Variants in AFF2 observed in about 807,000 individuals in gnomAD.
The protein encoded by AFF2 is ALF transcription elongation factor 2, also known as AF4/FMR2 family member 2.
AFF2 carries 14 observed loss-of-function variants against 76.9 expected under a neutral mutation model. The ratio of observed to expected loss-of-function variants is 0.18; its 90% confidence interval spans 0.12 to 0.28. The LOEUF (loss-of-function observed/expected upper bound fraction) is 0.28. Among genes scored for constraint, AFF2 ranks in the 10% least tolerant of loss-of-function variants. The pLI is 1.00. For missense variants in AFF2, 868 were observed against 1,001.1 expected (o/e 0.87, Z 1.79); for synonymous variants, 398 against 366.7 (o/e 1.09, Z -0.98).
chrX:148,698,267 A>T (rs781843851), intron 3 of AFF2, among the ~76,000 whole-genome samples: 1 of 112,785 alleles, frequency 8.9e-6, no homozygotes, highest in Admixed American at 9.4e-5. Context: ...GGCTTTAGGC[A>T]TCACAAAAGT....
At chrX:148,614,796 TTC>T (rs782345022) in intron 1 of AFF2, among the ~76,000 whole-genome samples, 1,352 of 76,002 alleles carry the variant, frequency 0.018, 82 homozygotes, top group African/African-American at 0.077. Flanking sequence ...CTTTCTTCCT[TTC>T]TCTCTCTCTC....
In AFF2 at chrX:148,710,506, A is replaced by C. The variant is rs569987592; in HGVS notation, c.1041+47738A>C. ...TTATTCTTGTGGCAAAACATATATG[A>C]CATCAAATTTACCATTTTAACCATT... On this transcript the variant is annotated intron_variant, in intron 3 of 20. Coordinates refer to ENST00000370460, the MANE Select transcript of AFF2 (RefSeq NM_002025.4). 3.5e-4 allele frequency among the ~76,000 whole-genome samples: 39 copies of C among 112,337 alleles called. No individual in the cohort carries two copies. In the South Asian group the frequency reaches 0.014, roughly 40 times the overall value.
intron 9 of AFF2, among the ~76,000 whole-genome samples, chrX:148,917,084 T>A (rs2071541173): frequency 8.9e-6 from 1 of 112,668 alleles, no homozygotes; most frequent in African/African-American, 3.2e-5. Context: ...AATTATTTGC[T>A]TTTGTTGGAA....
At chrX:148,583,251 A>C (rs973039976) in intron 1 of AFF2, among the ~76,000 whole-genome samples, 2 of 112,061 alleles carry the variant, frequency 1.8e-5, no homozygotes, top group South Asian at 7.4e-4. Flanking sequence ...ATTGTATGGT[A>C]TGTGAATTGT....
At chrX:148,697,288 A>T (rs1338966452) in intron 3 of AFF2, among the ~76,000 whole-genome samples, 1 of 112,626 alleles carries the variant, frequency 8.9e-6, no homozygotes, top group African/African-American at 3.2e-5. Context: ...AATTTTTAAT[A>T]TACCAAATGT....
At chrX:148,707,665 G>T (rs376709493) in intron 3 of AFF2, among the ~76,000 whole-genome samples, 8 of 110,413 alleles carry the variant, frequency 7.2e-5, no homozygotes, top group African/African-American at 2.3e-4. Context: ...TGTTCAAACT[G>T]AGTCTCCAAG....
chrX:148,728,116 A>C (rs2055182073), intron 3 of AFF2, among the ~76,000 whole-genome samples: 1 of 112,282 alleles, frequency 8.9e-6, no homozygotes, highest in African/African-American at 3.2e-5. Flanking sequence ...CGTGGCATGC[A>C]ATTCTCACTC....
intron 1 of AFF2, among the ~76,000 whole-genome samples, chrX:148,542,641 A>G (rs1404460664): frequency 1.8e-5 from 2 of 112,066 alleles, no homozygotes; most frequent in African/African-American, 6.5e-5. Flanking sequence ...CCATCCATGC[A>G]GACAGGTGCC....
chrX:148,623,008 T>C (rs1279066343), intron 1 of AFF2, among the ~76,000 whole-genome samples: 1 of 111,831 alleles, frequency 8.9e-6, no homozygotes, highest in African/African-American at 3.2e-5. Flanking sequence ...AGGGGCTTGG[T>C]AGAAACAATT....
chrX:148,977,827 G>T, intron 16 of AFF2, 106 bp from the exon 17 acceptor site: 1 of 596,594 alleles, frequency 1.7e-6, no homozygotes, highest in South Asian at 2.7e-5. Context: ...CTCTTGCCCA[G>T]AACAAATGTG....
At chrX:148,954,860 T>C (rs2072013302) in intron 10 of AFF2, among the ~76,000 whole-genome samples, 1 of 112,063 alleles carries the variant, frequency 8.9e-6, no homozygotes, top group African/African-American at 3.2e-5. Flanking sequence ...ACCATAAGCC[T>C]CAGCTGATGG....
chrX:148,822,028 G>A (rs1260120287), intron 4 of AFF2: 1 of 112,226 alleles, frequency 8.9e-6, no homozygotes, highest in Non-Finnish European at 1.9e-5. Context: ...AATATTACAA[G>A]TTAATAAGCA....
chrX:148,724,827 G>A (rs1402181979), intron 3 of AFF2, among the ~76,000 whole-genome samples: 1 of 112,545 alleles, frequency 8.9e-6, no homozygotes, highest in African/African-American at 3.2e-5. Context: ...AGTAGTAGTG[G>A]AATAGCAATA....
At chrX:148,785,757 A>C (rs1339359408) in intron 3 of AFF2, among the ~76,000 whole-genome samples, 1 of 112,374 alleles carries the variant, frequency 8.9e-6, no homozygotes, top group Non-Finnish European at 1.9e-5. Flanking sequence ...TAAAAAATTA[A>C]TTAGCACTGG....
intron 1 of AFF2, among the ~76,000 whole-genome samples, chrX:148,601,489 A>C (rs1052734106): frequency 8.9e-6 from 1 of 111,981 alleles, no homozygotes; most frequent in Non-Finnish European, 1.9e-5. Flanking sequence ...CCATCCTTTA[A>C]GATCAGTTTT....
At chrX:148,736,796 G>A (rs1462892951) in intron 3 of AFF2, among the ~76,000 whole-genome samples, 1 of 111,645 alleles carries the variant, frequency 9.0e-6, no homozygotes, top group Non-Finnish European at 1.9e-5. Context: ...TTTGTATAAC[G>A]TGACAGATGA....
intron 3 of AFF2, among the ~76,000 whole-genome samples, chrX:148,680,961 C>A (rs1557259879): frequency 9.0e-6 from 1 of 111,698 alleles, no homozygotes; most frequent in African/African-American, 3.3e-5. Flanking sequence ...AATACTCAAA[C>A]CATTTTTCAT....
intron 3 of AFF2, among the ~76,000 whole-genome samples, chrX:148,697,659 G>GA (rs57746948): frequency 4.8e-4 from 48 of 100,941 alleles, no homozygotes; most frequent in South Asian, 3.5e-3. Context: ...GTTCCCATTA[G>GA]AAAAAAAAAA....
chrX:148,642,731 A>T (rs1438473888), intron 1 of AFF2, among the ~76,000 whole-genome samples: 1 of 112,162 alleles, frequency 8.9e-6, no homozygotes, highest in Non-Finnish European at 1.9e-5. Context: ...TGCCTGCCTC[A>T]CTAGGGCAGG....
Sources: gnomAD v4.1 joint callset for allele counts (sites outside exome capture counted in the v4.1 genomes callset) on GRCh38, gnomAD v4.1.1 for gene constraint, MANE v1.5 for transcripts, NCBI Gene and HGNC (gene_info 2026-07-23, HGNC 2026-07-21) for gene names.